The following ATP1A2 variants were observed in gnomAD, a reference collection of about 807,000 sequenced individuals.
ATP1A2 encodes the protein sodium/potassium-transporting ATPase subunit alpha-2.
A neutral mutation model predicts 113.1 loss-of-function variants in ATP1A2; 56 were observed. That is an observed-to-expected ratio of 0.49 (90% CI 0.40 to 0.62). The LOEUF is 0.62. ATP1A2 is among the 20% of genes least tolerant of loss of function. The probability of loss-of-function intolerance (pLI) is 0.00; values close to 1 mark genes in which losing one functional copy is unlikely to be tolerated. For missense variants in ATP1A2, 712 were observed against 1,357.8 expected, an observed-to-expected ratio of 0.52 and a Z score of 7.47; for synonymous variants, 490 against 526.8, an observed-to-expected ratio of 0.93 and a Z score of 0.96.
chr1:160,132,638 A>C (rs1651807671), intron 13 of ATP1A2, among the ~76,000 whole-genome samples: 2 of 152,198 alleles, frequency 1.3e-5, no homozygotes, highest in African/African-American at 4.8e-5. Context: ...GAGCAGTAGC[A>C]GGCTTGGTGG....
chr1:160,140,208 C>T (rs1308975443), intron 22 of ATP1A2: 5 of 574,184 alleles, frequency 8.7e-6, no homozygotes, highest in Middle Eastern at 4.8e-4. Flanking sequence ...AGTTGGTCTC[C>T]GAGGCCCTCC....
chr1:160,119,256 CAAAAAAAAAAAAA>C (rs386368465), intron 1 of ATP1A2, among the ~76,000 whole-genome samples: 3,869 of 49,544 alleles, frequency 0.078, 226 homozygotes, highest in Middle Eastern at 0.17. Flanking sequence ...CATTATCCTG[CAAAAAAAAAAAAA>C]AAAAAAAAAA....
chr1:160,139,572 A>G (rs1652067203), intron 20 of ATP1A2, 68 bp from the exon 21 acceptor site: 1 of 1,400,888 alleles, frequency 7.1e-7, no homozygotes, highest in East Asian at 2.3e-5. Context: ...CTTGCACCCC[A>G]GGGGTATCCC....
In ATP1A2 at chr1:160,141,446, A is replaced by C. The variant is rs1652147196; in HGVS notation, c.*124A>C. ...TGGCAACATTTGGGGAGAGATAATG[A>C]GGCAACTCAGCAGGCTAAGTTGCGG... On this transcript the variant is annotated 3_prime_UTR_variant, in exon 23 of 23. Coordinates refer to ENST00000361216, the MANE Select transcript of ATP1A2 (RefSeq NM_000702.4). 8 of 1,269,680 alleles carry C rather than the reference A, an allele frequency of 6.3e-6. No individual in the cohort carries two copies. The Admixed American group carries it at 1.4e-4, about 23-fold the overall frequency. 78.7% of individuals were successfully genotyped at this position (1,269,680 alleles called of 1,614,324 possible).
chr1:160,119,827 TA>T (rs5778150), intron 1 of ATP1A2, among the ~76,000 whole-genome samples: 125,413 of 134,640 alleles, frequency 0.93, 58,665 homozygotes, highest in Non-Finnish European at 0.98. Context: ...ACCTTATATC[TA>T]AAAAAAAAAA....
chr1:160,121,354 T>C, intron 3 of ATP1A2, 103 bp downstream of exon 3: 3 of 1,326,192 alleles, frequency 2.3e-6, no homozygotes, highest in African/African-American at 1.4e-5. Context: ...TCTTTACAGA[T>C]GAGGAAACTG....
At chr1:160,132,878 G>A (rs1651813273) in intron 13 of ATP1A2, among the ~76,000 whole-genome samples, 2 of 152,212 alleles carry the variant, frequency 1.3e-5, no homozygotes, top group Non-Finnish European at 2.9e-5. Flanking sequence ...AGTGAAGGGA[G>A]GAGAATGAAA....
intron 13 of ATP1A2, among the ~76,000 whole-genome samples, chr1:160,132,076 G>C (rs976777013): frequency 6.6e-6 from 1 of 152,182 alleles, no homozygotes; most frequent in African/African-American, 2.4e-5. Context: ...AGAACTGGAC[G>C]ATGTTTGACA....
intron 1 of ATP1A2, among the ~76,000 whole-genome samples, chr1:160,120,168 TGTGCTTTGGGGGTCCA>T (rs1233698456): frequency 6.6e-6 from 1 of 152,230 alleles, no homozygotes; most frequent in Non-Finnish European, 1.5e-5. Flanking sequence ...GTTACCCAAT[TGTGCTTTGGGGGTCCA>T]GTCCTGTGAG....
At chr1:160,119,645 G>A (rs1354074471) in intron 1 of ATP1A2, among the ~76,000 whole-genome samples, 1 of 152,104 alleles carries the variant, frequency 6.6e-6, no homozygotes, top group African/African-American at 2.4e-5. Context: ...GTGAGACCCT[G>A]GAAGGCTGGT....
Position 160,116,002 on chromosome 1 carries a change from C to A in ATP1A2, c.12+129C>A. 5.6e-6 allele frequency: 8 copies of A among 1,424,470 alleles called. No individual in the cohort carries two copies. In the South Asian group the frequency reaches 8.6e-5, roughly 15 times the overall value. 88.2% of individuals were successfully genotyped at this position (1,424,470 alleles called of 1,614,324 possible). A position where few individuals can be genotyped will look rare whatever the true frequency, so the allele number is the denominator to read the frequency against. On this transcript the variant is annotated intron_variant, in intron 1 of 22. Coordinates refer to ENST00000361216, the MANE Select transcript of ATP1A2 (RefSeq NM_000702.4). Reference sequence around the variant, plus strand: ...TGAGTGGGATACTTGGAACTTGAAACTAACAGTCTCCAAACTACCAATGTG... The same window carrying A: ...TGAGTGGGATACTTGGAACTTGAAAATAACAGTCTCCAAACTACCAATGTG...
In ATP1A2 at chr1:160,134,659, A is replaced by C. The variant is rs16831402; in HGVS notation, c.1964+39A>C. 6,191 of 1,613,876 alleles carry C rather than the reference A, an allele frequency of 3.8e-3. 200 individuals are homozygous for C. The African/African-American group carries it at 0.074, about 19-fold the overall frequency. ...AGGAAGCCCCTGTGCCCTAATCAAC[A>C]CGTCCTCTTGCACAGAAGGCTTGGG... On this transcript the variant is annotated intron_variant, in intron 14 of 22. Coordinates refer to ENST00000361216, the MANE Select transcript of ATP1A2 (RefSeq NM_000702.4).
rs1461860929 is a variant in ATP1A2 at position 160,135,839 on chromosome 1, G to T, written c.2285G>T (p.Gly762Val). 6.2e-7 allele frequency: 1 copy of T among 1,613,986 alleles called. No homozygotes were observed. Among genetic ancestry groups the T allele is most frequent in the African/African-American group, 1.3e-5 (1 of 74,890 alleles). ...FASIVTGVEEGRLIFDNLKKS... is the reference protein window; with the variant it reads ...FASIVTGVEEVRLIFDNLKKS... The stretch of plus-strand genomic sequence containing the variant: ...TGATGCCCTCAGAATCTCCCCACAG[G>T]CCGCCTGATCTTTGACAACTTGAAG... The change falls in exon 17 of 23, where the codon GGC becomes GTC. Residue 762 changes from glycine to valine, a missense_variant and splice_region_variant. Coordinates refer to ENST00000361216, the MANE Select transcript of ATP1A2 (RefSeq NM_000702.4). This position sits in a 1 kb window ranked among gnomAD's most constrained non-coding sequence, Gnocchi z 6.3.
At position 160,136,626 on chromosome 1, in the gene ATP1A2, G is replaced by A. The variant is rs1651959213; in HGVS notation, c.2620G>A (p.Gly874Ser). The change falls in exon 19 of 23, where the codon GGT becomes AGT. Residue 874 changes from glycine (G) to serine (S), a missense_variant. Physicochemically the swap from Gly to Ser is moderately conservative, Grantham distance 56 (BLOSUM62 0). Coordinates refer to ENST00000361216, the MANE Select transcript of ATP1A2 (RefSeq NM_000702.4). The stretch of plus-strand genomic sequence containing the variant: ...CTACTTTGTGATCCTGGCAGAGAAC[G>A]GTTTCCTGCCATCACGGCTACTGGG... ...FTYFVILAENGFLPSRLLGIR... is the reference protein window; with the variant it reads ...FTYFVILAENSFLPSRLLGIR... 1 of 1,614,196 alleles carries A rather than the reference G, an allele frequency of 6.2e-7. No homozygotes were observed. The highest frequency in any genetic ancestry group is 8.5e-7 in the Non-Finnish European group (1 of 1,180,036).
intron 20 of ATP1A2, among the ~76,000 whole-genome samples, chr1:160,138,355 T>A (rs1328756886): frequency 1.3e-5 from 2 of 152,246 alleles, no homozygotes; most frequent in East Asian, 3.8e-4. Context: ...TGATTCACAG[T>A]TCTGTCTGGA....
At position 160,139,686 on chromosome 1, in the gene ATP1A2, G is replaced by A. The variant is rs1057523245; in HGVS notation, c.2887G>A (p.Ala963Thr). The change falls in exon 21 of 23, where the codon GCC becomes ACC. Residue 963 changes from alanine to threonine, a missense_variant. Around this residue, in one of 6 missense-constraint regions of ATP1A2, gnomAD observed 188 missense variants for 438.9 expected, o/e 0.43. Coordinates refer to ENST00000361216, the MANE Select transcript of ATP1A2 (RefSeq NM_000702.4). ...FGLLEETALA[A>T]FLSYCPGMGV... Reference sequence around the variant, plus strand: ...GCTCCTGGAGGAGACGGCGTTGGCTGCCTTTCTCTCTTACTGCCCAGGCAT... The same window carrying A: ...GCTCCTGGAGGAGACGGCGTTGGCTACCTTTCTCTCTTACTGCCCAGGCAT... The A allele has an allele frequency of 6.2e-7, 1 of 1,614,088 alleles. No homozygotes were observed. Among genetic ancestry groups the A allele is most frequent in the African/African-American group, 1.3e-5 (1 of 74,932 alleles).
At chr1:160,117,401 C>T (rs1651220916) in intron 1 of ATP1A2, among the ~76,000 whole-genome samples, 1 of 152,122 alleles carries the variant, frequency 6.6e-6, no homozygotes, top group South Asian at 2.1e-4. Context: ...AGACCCAGCT[C>T]AGGAGGTCTT....
In ATP1A2 at chr1:160,139,976, A is replaced by C; in HGVS notation, c.3026A>C (p.Tyr1009Ser). The change falls in exon 22 of 23, where the codon TAT becomes TCT. Residue 1009 changes from tyrosine (Y) to serine (S), a missense_variant. Physicochemically the swap from Tyr to Ser is moderately radical, Grantham distance 144. Coordinates refer to ENST00000361216, the MANE Select transcript of ATP1A2 (RefSeq NM_000702.4). ...GTCCGAAAGCTCATCCTGCGGCGGT[A>C]TCCTGGTGGTAAGCCCCTCCACATT... ...DEVRKLILRR[Y>S]PGGWVEKETY... The C allele has an allele frequency of 6.2e-7, 1 of 1,613,864 alleles. No homozygotes were observed. The highest frequency in any genetic ancestry group is 8.5e-7 in the Non-Finnish European group (1 of 1,180,010).
At chr1:160,136,216 C>A in intron 17 of ATP1A2, 31 bp from the exon 18 acceptor site, 2 of 1,613,978 alleles carry the variant, frequency 1.2e-6, no homozygotes, top group Non-Finnish European at 1.7e-6. Context: ...CCTTCAAATG[C>A]CCTCCCTGCC....
Sources: gnomAD v4.1 joint callset for allele counts (sites outside exome capture counted in the v4.1 genomes callset) on GRCh38, gnomAD v4.1.1 for gene constraint, gnomAD v4.1.1 regional missense constraint, Gnocchi (gnomAD v3.1) non-coding constraint, MANE v1.5 for transcripts, NCBI Gene and HGNC (gene_info 2026-07-23, HGNC 2026-07-21) for gene names.